Variants in KIDINS220 observed in about 807,000 individuals in gnomAD.
The protein encoded by KIDINS220 is kinase D interacting substrate 220, also known as kinase D-interacting substrate of 220 kDa.
Under a neutral mutation model 157.6 loss-of-function variants are expected in KIDINS220, and 63 were observed. The observed-to-expected ratio is 0.40, with a 90% confidence interval of 0.33 to 0.49. KIDINS220 has a LOEUF of 0.49. KIDINS220 is among the 20% of genes least tolerant of loss of function. The pLI is 0.66. For synonymous variants in KIDINS220, 732 were observed against 783.6 expected, an observed-to-expected ratio of 0.93 and a Z score of 1.10; for missense variants, 1,772 against 2,171.2, an observed-to-expected ratio of 0.82 and a Z score of 3.65.
chr2:8,754,225 G>A (rs1032587857), intron 22 of KIDINS220, among the ~76,000 whole-genome samples: 3 of 152,172 alleles, frequency 2.0e-5, no homozygotes, highest in Non-Finnish European at 4.4e-5. Flanking sequence ...AGTGTTCTCA[G>A]TATGATGAAC....
chr2:8,801,913 A>T (rs1460024788), intron 8 of KIDINS220, among the ~76,000 whole-genome samples: 2 of 152,224 alleles, frequency 1.3e-5, no homozygotes, highest in Non-Finnish European at 2.9e-5. Flanking sequence ...TCTCAAAAAA[A>T]GTGATCACGT....
chr2:8,786,092 A>G, intron 16 of KIDINS220, 62 bp from the exon 17 acceptor site: 3 of 1,557,960 alleles, frequency 1.9e-6, no homozygotes, highest in Non-Finnish European at 2.6e-6. Context: ...TCCTAACATT[A>G]TAGTCACAAT....
rs201557833 is a variant in KIDINS220, at chr2:8,788,764, G to A, written c.1670C>T (p.Ala557Val). The change falls in exon 15 of 30, where the codon GCC becomes GTC. Residue 557 changes from alanine (A) to valine (V), a missense_variant. By Grantham distance (64) the Ala-to-Val change is moderately conservative (BLOSUM62 0). Transcript: ENST00000256707. ...GRREGESWNWAWVLSTRLARH... is the reference protein window; with the variant it reads ...GRREGESWNWVWVLSTRLARH... Reference sequence around the variant, plus strand: ...TGCCAATCTAGTGCTGAGGACCCAGGCCCAATTCCAACTCTCTCCTTCTCT... The same window carrying A: ...TGCCAATCTAGTGCTGAGGACCCAGACCCAATTCCAACTCTCTCCTTCTCT... The A allele has an allele frequency of 3.2e-4, 516 of 1,613,930 alleles. 4 individuals are homozygous for A. The African/African-American group carries it at 6.3e-3, about 20-fold the overall frequency.
At chr2:8,758,739 A>G (rs542157331) in intron 22 of KIDINS220, among the ~76,000 whole-genome samples, 6 of 152,162 alleles carry the variant, frequency 3.9e-5, no homozygotes, top group Admixed American at 2.6e-4. Flanking sequence ...GCTGCATCCC[A>G]TAAGTTTTAA....
In KIDINS220 at chr2:8,751,512, C is replaced by T. The variant is rs367860069; in HGVS notation, c.3144G>A (p.Leu1048=). The T allele has an allele frequency of 3.7e-5, 59 of 1,613,264 alleles. No individual in the cohort carries two copies. The highest frequency in any genetic ancestry group is 4.7e-5 in the Non-Finnish European group (55 of 1,179,800). The change falls in exon 23 of 30, where the codon TTG becomes TTA. Residue 1048 remains leucine, a synonymous_variant. Transcript: ENST00000256707. ...VLVARDVKVF[L]PCTVNLDPKL... ...TGGGATCTAGGTTTACAGTGCATGG[C>T]AAAAAGACTTTTACATCTCGAGCCA...
At chr2:8,744,014 G>GATATATCC (rs1208771828) in intron 26 of KIDINS220, among the ~76,000 whole-genome samples, 1 of 149,618 alleles carries the variant, frequency 6.7e-6, no homozygotes, top group Non-Finnish European at 1.5e-5. Context: ...GAGGCTTATA[G>GATATATCC]ATATATCCAA....
intron 8 of KIDINS220, among the ~76,000 whole-genome samples, chr2:8,802,422 T>C (rs2148329575): frequency 6.6e-6 from 1 of 152,256 alleles, no homozygotes; most frequent in Middle Eastern, 3.4e-3. Flanking sequence ...CAACAAAGCC[T>C]GCTGGAGGGC....
chr2:8,757,792 G>GTT lies in KIDINS220; in HGVS notation c.3012-6150_3012-6149dup, dbSNP rs775867686. The GTT allele has an allele frequency of 1.2e-6, 2 of 1,604,230 alleles. No individual in the cohort carries two copies. Among genetic ancestry groups the GTT allele is most frequent in the African/African-American group, 2.7e-5 (2 of 74,832 alleles). ...CAACTGTCTGCTCCACAGCATCTGT[G>GTT]TTTGAATAATAACATCTTCAGTATG... is the stretch of plus-strand genomic sequence containing the variant. On this transcript the variant is annotated intron_variant, in intron 22 of 29. Coordinates refer to ENST00000256707, the MANE Select transcript of KIDINS220 (RefSeq NM_020738.4).
At chr2:8,741,138 G>C (rs1665566095) in intron 26 of KIDINS220, among the ~76,000 whole-genome samples, 1 of 152,108 alleles carries the variant, frequency 6.6e-6, no homozygotes, top group African/African-American at 2.4e-5. Flanking sequence ...TTTACTACAA[G>C]ACATCCAAAA....
downstream of KIDINS220, among the ~76,000 whole-genome samples, chr2:8,726,528 A>G (rs561615722): frequency 6.6e-6 from 1 of 152,368 alleles, no homozygotes; most frequent in African/African-American, 2.4e-5. Flanking sequence ...CTGGCTTAAA[A>G]TTACAGCCAT....
At chr2:8,759,163 G>A (rs553141758) in intron 22 of KIDINS220, among the ~76,000 whole-genome samples, 1 of 152,270 alleles carries the variant, frequency 6.6e-6, no homozygotes, top group South Asian at 2.1e-4. Flanking sequence ...AGATCATCAT[G>A]GCATGCCTTC....
At chr2:8,810,959 A>T (rs1201649601) in intron 6 of KIDINS220, among the ~76,000 whole-genome samples, 1 of 152,204 alleles carries the variant, frequency 6.6e-6, no homozygotes, top group Non-Finnish European at 1.5e-5. Flanking sequence ...TATTTTGTGT[A>T]ATATTTTTAA....
Position 8,741,044 on chromosome 2 carries a change from C to T in KIDINS220, c.3586-4045G>A, listed in dbSNP as rs139853970. Among the ~76,000 whole-genome samples, 393 of 152,226 alleles carry T rather than the reference C, an allele frequency of 2.6e-3. 3 individuals are homozygous for T. Among genetic ancestry groups the T allele is most frequent in the African/African-American group, 9.2e-3 (382 of 41,522 alleles). The stretch of plus-strand genomic sequence containing the variant: ...AATCCTGTTTTCTAGTTTACACTAT[C>T]GACCTTATTATAAATAGGTTTTTAA... On this transcript the variant is annotated intron_variant, in intron 26 of 29. Transcript: ENST00000256707.
At position 8,730,913 on chromosome 2, in the gene KIDINS220, G is replaced by A. The variant is rs761533158; in HGVS notation, c.5123C>T (p.Thr1708Ile). 6.2e-7 allele frequency: 1 copy of A among 1,614,218 alleles called. No individual in the cohort carries two copies. Among genetic ancestry groups the A allele is most frequent in the Non-Finnish European group, 8.5e-7 (1 of 1,180,044 alleles). Residue 1708 changes from threonine to isoleucine, a missense_variant, in exon 30 of 30, where the codon ACT becomes ATT. Physicochemically the swap from Thr to Ile is moderately conservative, Grantham distance 89. Around this residue, in one of 3 missense-constraint regions of KIDINS220, gnomAD observed 793 missense variants for 885.5 expected, o/e 0.90. Transcript: ENST00000256707. ...NFDEMEGIRE[T>I]SQVILRPSSS... Reference sequence around the variant, plus strand: ...ACTAGGCCTCAAAATGACTTGAGAAGTCTCCCTAATTCCCTCCATCTCATC... The same window carrying A: ...ACTAGGCCTCAAAATGACTTGAGAAATCTCCCTAATTCCCTCCATCTCATC...
At chr2:8,794,051 A>C (rs1023052613) in intron 11 of KIDINS220, 64 bp from the exon 12 acceptor site, 1 of 1,208,798 alleles carries the variant, frequency 8.3e-7, no homozygotes, top group Non-Finnish European at 1.1e-6. Context: ...AGACAGTAAC[A>C]ATTTTCATGT....
At chr2:8,733,907 A>G (rs1484763724) in intron 28 of KIDINS220, among the ~76,000 whole-genome samples, 1 of 152,200 alleles carries the variant, frequency 6.6e-6, no homozygotes, top group Non-Finnish European at 1.5e-5. Context: ...ACTACACTGC[A>G]ATTTGTCCAT....
rs1176845498 is a variant in KIDINS220 at position 8,730,498 on chromosome 2, G to A, written c.*222C>T. 2.5e-5 allele frequency: 35 copies of A among 1,414,126 alleles called. No individual in the cohort carries two copies. The highest frequency in any genetic ancestry group is 3.2e-5 in the Non-Finnish European group (35 of 1,091,134). 87.6% of individuals were successfully genotyped at this position (1,414,126 alleles called of 1,614,324 possible). ...ATGAAAGGTACAGTAGTATTAGTGAGTTCTGAAGCTTCTAATTACAAAGAC... is the reference window on the plus strand; with the variant it reads ...ATGAAAGGTACAGTAGTATTAGTGAATTCTGAAGCTTCTAATTACAAAGAC... On this transcript the variant is annotated 3_prime_UTR_variant, in exon 30 of 30. Transcript: ENST00000256707.
intron 28 of KIDINS220, among the ~76,000 whole-genome samples, chr2:8,734,339 A>C (rs1204794303): frequency 6.6e-6 from 1 of 152,204 alleles, no homozygotes; most frequent in Non-Finnish European, 1.5e-5. Flanking sequence ...GCTGAAGGTC[A>C]AGGCCTCGAA....
At chr2:8,802,831 G>T in intron 8 of KIDINS220, 99 bp downstream of exon 8, 1 of 897,800 alleles carries the variant, frequency 1.1e-6, no homozygotes, top group Non-Finnish European at 1.7e-6. Flanking sequence ...TTTAAAACAA[G>T]TTTATGTCAT....
Sources: allele counts gnomAD v4.1 joint callset (sites outside exome capture counted in the v4.1 genomes callset), GRCh38; gene constraint gnomAD v4.1.1; regional missense constraint gnomAD v4.1.1; transcripts MANE v1.5; gene names NCBI Gene and HGNC (gene_info 2026-07-23, HGNC 2026-07-21).